Variants in TPO observed in about 807,000 individuals in gnomAD.
TPO encodes thyroid peroxidase, also known as thyroid microsomal antigen.
In TPO, 78 loss-of-function variants were observed where a neutral mutation model predicts 96.9. The observed-to-expected ratio is 0.81, with a 90% CI of 0.67 to 0.97. The LOEUF is 0.97. TPO is among the 50% of genes least tolerant of loss of function. The pLI is 0.00. For synonymous variants in TPO, 547 were observed against 538.0 expected (o/e 1.02, Z -0.23); for missense variants, 1,252 against 1,274.8 (o/e 0.98, Z 0.27).
chr2:1,490,133 G>A (rs111805134), intron 10 of TPO, among the ~76,000 whole-genome samples: 26 of 38,472 alleles, frequency 6.8e-4, no homozygotes, highest in South Asian at 3.3e-3. Context: ...CCCACACAGG[G>A]GGAGTCACGA....
At chr2:1,419,273 C>A (rs1663261326) in intron 2 of TPO, among the ~76,000 whole-genome samples, 1 of 152,088 alleles carries the variant, frequency 6.6e-6, no homozygotes, top group African/African-American at 2.4e-5. Flanking sequence ...TGAAAAAAAA[C>A]TTCGGGTTCA....
At chr2:1,442,472 A>G (rs767605540) in intron 5 of TPO, among the ~76,000 whole-genome samples, 77 of 152,310 alleles carry the variant, frequency 5.1e-4, no homozygotes, top group South Asian at 2.1e-3. Flanking sequence ...CAGAAATACA[A>G]ATATATATTA....
intron 5 of TPO, among the ~76,000 whole-genome samples, chr2:1,451,437 A>G (rs2148571954): frequency 6.6e-6 from 1 of 152,366 alleles, no homozygotes; most frequent in East Asian, 1.9e-4. Context: ...TGTTTTAAAA[A>G]GTTATTTATC....
intron 1 of TPO, among the ~76,000 whole-genome samples, chr2:1,384,945 C>A (rs1661867158): frequency 6.6e-6 from 1 of 152,150 alleles, no homozygotes; most frequent in South Asian, 2.1e-4. Flanking sequence ...TTGTCAAAGG[C>A]CTTTTCTGCA....
intron 14 of TPO, among the ~76,000 whole-genome samples, chr2:1,506,494 C>T (rs1262040333): frequency 6.6e-6 from 1 of 152,154 alleles, no homozygotes; most frequent in East Asian, 1.9e-4. Context: ...GTTTACAGTC[C>T]CACCAACAGT....
chr2:1,386,503 A>C (rs1661897285), intron 1 of TPO, among the ~76,000 whole-genome samples: 2 of 152,110 alleles, frequency 1.3e-5, no homozygotes, highest in Non-Finnish European at 2.9e-5. Context: ...GTTGGTTTAA[A>C]GTCTGTTTTA....
chr2:1,452,156 G>A (rs1667362694), intron 5 of TPO, among the ~76,000 whole-genome samples: 1 of 152,240 alleles, frequency 6.6e-6, no homozygotes, highest in Non-Finnish European at 1.5e-5. Context: ...GGGCCTCAGT[G>A]TTCATTGTTT....
intron 7 of TPO, among the ~76,000 whole-genome samples, chr2:1,476,201 A>T (rs1375572784): frequency 6.6e-6 from 1 of 152,174 alleles, no homozygotes; most frequent in African/African-American, 2.4e-5. Flanking sequence ...CTTCAGGAAG[A>T]GTCTCTTTCG....
At chr2:1,400,745 A>C (rs559953554) in intron 1 of TPO, among the ~76,000 whole-genome samples, 1 of 152,172 alleles carries the variant, frequency 6.6e-6, no homozygotes, top group African/African-American at 2.4e-5. Flanking sequence ...CTGTTAGTTT[A>C]TCCAAGATTT....
chr2:1,422,369 ACCGACCTCGTGCAGGCGCCGCGCTGGG>A (rs1663801460), intron 2 of TPO, among the ~76,000 whole-genome samples: 1 of 140,848 alleles, frequency 7.1e-6, no homozygotes, highest in Non-Finnish European at 1.6e-5. Context: ...GCCGCGCTGG[ACCGACCTCGTGCAGGCGCCGCGCTGGG>A]CCATGGGGAG....
intron 1 of TPO, among the ~76,000 whole-genome samples, chr2:1,395,469 T>TA (rs1662065669): frequency 1.3e-5 from 2 of 152,304 alleles, no homozygotes; most frequent in South Asian, 4.1e-4. Context: ...ATGTCTAACA[T>TA]AAAAAATTGT....
chr2:1,490,367 G>A (rs1241923074), intron 10 of TPO, among the ~76,000 whole-genome samples: 1 of 28,660 alleles, frequency 3.5e-5, no homozygotes, highest in Non-Finnish European at 6.2e-5. Flanking sequence ...GAGCCGCCAC[G>A]TGGGTCCCAC....
rs1014195867 is a variant in TPO at position 1,419,705 on chromosome 2, T to C, written c.95-3340T>C. 4.6e-5 allele frequency among the ~76,000 whole-genome samples: 7 copies of C among 152,316 alleles called. No homozygotes were observed. The South Asian group carries it at 1.0e-3, about 23-fold the overall frequency. ...CCTGGGAACTCAAAGTCCTTTGCTT[T>C]GGTCTTGCAGCTTCTTGGAAAATGA... On this transcript the variant is annotated intron_variant, in intron 2 of 16. Coordinates refer to ENST00000329066, the MANE Select transcript of TPO (RefSeq NM_001206744.2).
At chr2:1,437,201 T>C (rs28909389) in intron 5 of TPO, among the ~76,000 whole-genome samples, 3,579 of 152,306 alleles carry the variant, frequency 0.023, 81 homozygotes, top group East Asian at 0.11. Flanking sequence ...GCGTTTGGGC[T>C]GAAACGTGCA....
rs1300629008 is a variant in TPO at position 1,477,391 on chromosome 2, T to G, written c.1125T>G (p.Cys375Trp). Residue 375 changes from cysteine to tryptophan, a missense_variant, in exon 8 of 17, where the codon TGT (cysteine) becomes TGG (tryptophan). By Grantham distance (215) the Cys-to-Trp change is radical (BLOSUM62 -2). Coordinates refer to ENST00000329066, the MANE Select transcript of TPO (RefSeq NM_001206744.2). The part of the protein sequence containing the change: ...PFVPPRAPAA[C>W]APEPGIPGET... ...TGCCGCCACGCGCGCCTGCGGCCTG[T>G]GCGCCCGAGCCCGGCATCCCCGGAG... 1.3e-6 allele frequency: 2 copies of G among 1,526,358 alleles called. No individual in the cohort carries two copies. Among genetic ancestry groups the G allele is most frequent in the Non-Finnish European group, 1.8e-6 (2 of 1,139,190 alleles). 94.6% of individuals were successfully genotyped at this position (1,526,358 alleles called of 1,614,324 possible).
At chr2:1,383,499 T>C (rs1230190852) in intron 1 of TPO, among the ~76,000 whole-genome samples, 3 of 152,232 alleles carry the variant, frequency 2.0e-5, no homozygotes, top group Non-Finnish European at 4.4e-5. Context: ...GTTTTTCATG[T>C]GTCTGTTGGC....
intron 15 of TPO, among the ~76,000 whole-genome samples, chr2:1,525,943 CCCCCGA>C (rs1251006162): frequency 1.4e-5 from 2 of 139,832 alleles, no homozygotes; most frequent in Non-Finnish European, 3.1e-5. Flanking sequence ...CTCCTCATAT[CCCCCGA>C]CTGTTTACAA....
intron 15 of TPO, among the ~76,000 whole-genome samples, chr2:1,527,835 G>GTGCAACCTCCTAAACCCCCCCAATGTT (rs1676958632): frequency 7.1e-6 from 1 of 141,066 alleles, no homozygotes; most frequent in Non-Finnish European, 1.5e-5. Flanking sequence ...CCCATACTGT[G>GTGCAACCTCCTAAACCCCCCCAATGTT]TGCAACCTCC....
At position 1,484,873 on chromosome 2, in the gene TPO, T is replaced by G. The variant is rs1471155909; in HGVS notation, c.1597+19T>G. ...CGTGGAGGTGAGTGAGTGCGGTCCC[T>G]GCAGCTGGTCCCCATGAACTCTTCC... On this transcript the variant is annotated intron_variant, in intron 9 of 16. Transcript: ENST00000329066. 6.2e-7 allele frequency: 1 copy of G among 1,613,180 alleles called. No homozygotes were observed. Among genetic ancestry groups the G allele is most frequent in the Non-Finnish European group, 8.5e-7 (1 of 1,180,052 alleles).
Sources: allele counts gnomAD v4.1 joint callset (sites outside exome capture counted in the v4.1 genomes callset), GRCh38; gene constraint gnomAD v4.1.1; transcripts MANE v1.5; gene names NCBI Gene and HGNC (gene_info 2026-07-23, HGNC 2026-07-21).